The following RUFY1 variants were observed in gnomAD, a reference collection of about 807,000 sequenced individuals.
The protein encoded by RUFY1 is RUN and FYVE domain containing 1, also known as RUN and FYVE domain-containing protein 1.
In RUFY1, 54 loss-of-function variants were observed where a neutral mutation model predicts 94.6. The observed-to-expected ratio is 0.57, with a 90% confidence interval of 0.46 to 0.72. The LOEUF (loss-of-function observed/expected upper bound fraction) is 0.72, where lower values mean the gene tolerates loss of function less well. Ranked by LOEUF, RUFY1 falls within the 30% of genes least tolerant of loss-of-function variation. The pLI, the probability that RUFY1 is intolerant of heterozygous loss-of-function variation, is 0.00. For synonymous variants in RUFY1, 396 were observed against 347.3 expected (o/e 1.14, Z -1.56); for missense variants, 883 against 883.9 (o/e 1.00, Z 0.01).
At position 179,596,491 on chromosome 5, in the gene RUFY1, T is replaced by A. The variant is rs1175187720; in HGVS notation, c.1512-71T>A. ...TGTATGGTAATTTTAAAAATGAATT[T>A]CAGCCAGCAAAAGTCATCCTTTCCT... On this transcript the variant is annotated intron_variant, in intron 12 of 17. Coordinates refer to ENST00000319449, the MANE Select transcript of RUFY1 (RefSeq NM_025158.5). 3 of 1,584,766 alleles carry A rather than the reference T, an allele frequency of 1.9e-6. No individual in the cohort carries two copies. The African/African-American group carries it at 4.0e-5, about 21-fold the overall frequency.
chr5:179,563,213 T>G (rs1263499860), intron 3 of RUFY1, among the ~76,000 whole-genome samples: 1 of 152,154 alleles, frequency 6.6e-6, no homozygotes, highest in Non-Finnish European at 1.5e-5. Context: ...TCTGCAGAGT[T>G]TCCCAGACGG....
At chr5:179,571,428 G>C (rs939180909) in intron 5 of RUFY1, among the ~76,000 whole-genome samples, 5 of 151,292 alleles carry the variant, frequency 3.3e-5, no homozygotes, top group Admixed American at 2.6e-4. Flanking sequence ...GAGCCTGGGA[G>C]ATCAAGGCTG....
intron 4 of RUFY1, 158 bp from the exon 5 acceptor site, chr5:179,569,144 G>A (rs1361764987): frequency 1.0e-6 from 1 of 984,980 alleles, no homozygotes; most frequent in Non-Finnish European, 1.2e-6. Context: ...AGAAAAAGCA[G>A]CCGTTGAAGC....
intron 7 of RUFY1, among the ~76,000 whole-genome samples, chr5:179,581,392 G>C (rs1199046652): frequency 6.6e-6 from 1 of 151,814 alleles, no homozygotes; most frequent in Non-Finnish European, 1.5e-5. Flanking sequence ...CACTGGGCTA[G>C]GCCCTCCAGA....
intron 13 of RUFY1, among the ~76,000 whole-genome samples, chr5:179,597,781 G>T (rs1228784840): frequency 6.6e-6 from 1 of 152,194 alleles, no homozygotes; most frequent in African/African-American, 2.4e-5. Flanking sequence ...AGGCGGTCCA[G>T]CAGTGCCCCC....
intron 3 of RUFY1, among the ~76,000 whole-genome samples, chr5:179,564,274 C>A (rs556687997): frequency 6.6e-6 from 1 of 151,810 alleles, no homozygotes; most frequent in Admixed American, 6.6e-5. Flanking sequence ...TGCCTGCCAC[C>A]AGGCCCAGGT....
rs982137980 is a variant in RUFY1 at position 179,559,802 on chromosome 5, A to G, written c.311-223A>G. The stretch of plus-strand genomic sequence containing the variant: ...GAGAGGCCTCTGGAGCAGGAGGCCC[A>G]GTGGCTCTTCTGACCCAAGGCCCCG... On this transcript the variant is annotated intron_variant, in intron 1 of 17. Transcript: ENST00000319449. The G allele has an allele frequency of 1.0e-4, 136 of 1,296,982 alleles. 1 individual carries two copies. The highest frequency in any genetic ancestry group is 9.5e-4 in the South Asian group (44 of 46,530). The allele number at this position is 1,296,982 out of a possible 1,614,324, so 80.3% of individuals were successfully genotyped here.
chr5:179,551,676 AC>A (rs984242467), intron 1 of RUFY1, among the ~76,000 whole-genome samples: 2 of 51,218 alleles, frequency 3.9e-5, no homozygotes, highest in African/African-American at 7.9e-5. Flanking sequence ...CCCCGCCCCC[AC>A]CCCCCTCCCA....
At chr5:179,579,628 G>A (rs1190202922) in intron 6 of RUFY1, among the ~76,000 whole-genome samples, 2 of 130,550 alleles carry the variant, frequency 1.5e-5, no homozygotes, top group Non-Finnish European at 1.6e-5. Flanking sequence ...CACTGTGCCT[G>A]GCCTAACAAA....
chr5:179,565,272 G>A (rs966173283), intron 3 of RUFY1, among the ~76,000 whole-genome samples: 15 of 144,426 alleles, frequency 1.0e-4, no homozygotes, highest in African/African-American at 2.8e-4. Flanking sequence ...TCTGCCTCCC[G>A]GGTTCAAGCC....
intron 17 of RUFY1, among the ~76,000 whole-genome samples, 155 bp downstream of exon 17, chr5:179,607,814 T>C (rs1225251378): frequency 6.6e-6 from 1 of 152,254 alleles, no homozygotes; most frequent in East Asian, 1.9e-4. Context: ...CCTGTTTGCC[T>C]GTGCAGATGG....
At chr5:179,597,923 C>T (rs1765845366) in intron 13 of RUFY1, among the ~76,000 whole-genome samples, 1 of 152,130 alleles carries the variant, frequency 6.6e-6, no homozygotes, top group Non-Finnish European at 1.5e-5. Flanking sequence ...GGCGCGGTGG[C>T]TCACGCCCAT....
chr5:179,560,816 A>T (rs1335858299), intron 2 of RUFY1, among the ~76,000 whole-genome samples: 1 of 152,178 alleles, frequency 6.6e-6, no homozygotes, highest in Non-Finnish European at 1.5e-5. Flanking sequence ...AAGAAAAAAA[A>T]GTTAACCTAA....
At chr5:179,590,557 T>G (rs539869424) in intron 9 of RUFY1, among the ~76,000 whole-genome samples, 2 of 150,904 alleles carry the variant, frequency 1.3e-5, no homozygotes, top group South Asian at 4.3e-4. Context: ...TGATCTCGAC[T>G]CACTGCAAGC....
At chr5:179,581,069 T>G (rs1764120781) in intron 7 of RUFY1, 57 bp downstream of exon 7, 1 of 1,074,474 alleles carries the variant, frequency 9.3e-7, no homozygotes, top group Non-Finnish European at 1.4e-6. Context: ...CTGTCATTGC[T>G]TCATGGAACT....
chr5:179,601,432 G>A (rs1766376864), intron 14 of RUFY1, among the ~76,000 whole-genome samples: 1 of 151,712 alleles, frequency 6.6e-6, no homozygotes, highest in African/African-American at 2.4e-5. Context: ...GCCTCCCAAA[G>A]TGCTGGAAGT....
chr5:179,597,482 C>A lies in RUFY1; in HGVS notation c.1631+801C>A, dbSNP rs369575588. On this transcript the variant is annotated intron_variant, in intron 13 of 17. Coordinates refer to ENST00000319449, the MANE Select transcript of RUFY1 (RefSeq NM_025158.5). ...CGATCTCCTCACCTCGTGATCCTCC[C>A]ATCTCGGCCTCCCAAAGTGCTGGGA... Among the ~76,000 whole-genome samples, 20 of 152,188 alleles carry A rather than the reference C, an allele frequency of 1.3e-4. No individual in the cohort carries two copies. The East Asian group carries it at 2.9e-3, about 22-fold the overall frequency.
At chr5:179,554,869 G>A (rs1288444887) in intron 1 of RUFY1, among the ~76,000 whole-genome samples, 1 of 152,024 alleles carries the variant, frequency 6.6e-6, no homozygotes, top group African/African-American at 2.4e-5. Context: ...TCGGGAGGCT[G>A]AGGCAGGAAA....
intron 3 of RUFY1, among the ~76,000 whole-genome samples, chr5:179,566,957 G>A (rs1005903349): frequency 6.6e-6 from 1 of 152,090 alleles, no homozygotes; most frequent in African/African-American, 2.4e-5. Flanking sequence ...AGGAGGCTGA[G>A]CCATGAGAAT....
Sources: allele counts gnomAD v4.1 joint callset (sites outside exome capture counted in the v4.1 genomes callset), GRCh38; gene constraint gnomAD v4.1.1; transcripts MANE v1.5; gene names NCBI Gene and HGNC (gene_info 2026-07-23, HGNC 2026-07-21).